ACSF2: variants seen among roughly 807,000 people sequenced by gnomAD.
ACSF2 encodes the protein medium-chain acyl-CoA ligase ACSF2, mitochondrial.
A neutral mutation model predicts 79.3 loss-of-function variants in ACSF2; 52 were observed. The ratio of observed to expected loss-of-function variants is 0.66; its 90% confidence interval spans 0.53 to 0.83. The LOEUF (loss-of-function observed/expected upper bound fraction) is 0.83. ACSF2 is among the 40% of genes least tolerant of loss of function. ACSF2 has a pLI of 0.00. For missense variants in ACSF2, 661 were observed against 803.3 expected (o/e 0.82, Z 2.14); for synonymous variants, 283 against 312.6 (o/e 0.91, Z 1.00).
chr17:50,474,024 C>A lies in ACSF2; in HGVS notation c.1728+20C>A. On this transcript the variant is annotated intron_variant, in intron 14 of 15. Coordinates refer to ENST00000300441, the MANE Select transcript of ACSF2 (RefSeq NM_025149.6). This position sits in a 1 kb window ranked among gnomAD's most constrained non-coding sequence, Gnocchi z 4.2. ...GGGAAGGTGGGAGCCTCCGCTCAACCTAGCTGATGCTGCTCTGTTCTTTGC... is the reference window on the plus strand; with the variant it reads ...GGGAAGGTGGGAGCCTCCGCTCAACATAGCTGATGCTGCTCTGTTCTTTGC... 1 of 1,529,014 alleles carries A rather than the reference C, an allele frequency of 6.5e-7. No homozygotes were observed. The highest frequency in any genetic ancestry group is 8.8e-7 in the Non-Finnish European group (1 of 1,136,632). 94.7% of individuals were successfully genotyped at this position (1,529,014 alleles called of 1,614,324 possible).
At chr17:50,445,533 G>A (rs564073494) in intron 1 of ACSF2, among the ~76,000 whole-genome samples, 3 of 152,196 alleles carry the variant, frequency 2.0e-5, no homozygotes, top group East Asian at 1.9e-4. Context: ...GGTGGCTCAC[G>A]TCTGTAATCC....
Position 50,463,151 on chromosome 17 carries a change from G to A in ACSF2, c.793-5G>A. On this transcript the variant is annotated splice_polypyrimidine_tract_variant and splice_region_variant and intron_variant, in intron 6 of 15. Coordinates refer to ENST00000300441, the MANE Select transcript of ACSF2 (RefSeq NM_025149.6). The surrounding 1 kb of genome is among the most constrained non-coding windows in gnomAD (Gnocchi z 4.6). ...GGCCAAGCCATGCCCTGTTTGCCTT[G>A]TCAGGGGACAACAGGCAGCCCCAAG... 6.2e-7 allele frequency: 1 copy of A among 1,613,494 alleles called. No individual in the cohort carries two copies. Among genetic ancestry groups the A allele is most frequent in the Non-Finnish European group, 8.5e-7 (1 of 1,179,594 alleles).
At chr17:50,461,876 C>T (rs899876667) in intron 4 of ACSF2, among the ~76,000 whole-genome samples, 190 bp downstream of exon 4, 1 of 151,796 alleles carries the variant, frequency 6.6e-6, no homozygotes, top group East Asian at 1.9e-4. Flanking sequence ...TGGTCAGACA[C>T]AAACCTGGCG....
chr17:50,473,755 C>T lies in ACSF2; in HGVS notation c.1566C>T (p.Pro522=), dbSNP rs759208635. 8.7e-6 allele frequency: 14 copies of T among 1,614,064 alleles called. No individual in the cohort carries two copies. The highest frequency in any genetic ancestry group is 2.7e-5 in the African/African-American group (2 of 74,912). ...MIIRGGENIY[P]AELEDFFHTH... is the part of the protein sequence containing the mutation. ...TCCGGGGTGGTGAGAACATCTACCCCGCAGAGCTCGAGGACTTCTTTCACA... is the reference window on the plus strand; with the variant it reads ...TCCGGGGTGGTGAGAACATCTACCCTGCAGAGCTCGAGGACTTCTTTCACA... Residue 522 remains proline (P), a synonymous_variant, in exon 13 of 16, where the codon CCC becomes CCT. Transcript: ENST00000300441.
intron 1 of ACSF2, among the ~76,000 whole-genome samples, chr17:50,454,598 C>T (rs1206642287): frequency 1.3e-5 from 2 of 152,146 alleles, no homozygotes; most frequent in Non-Finnish European, 2.9e-5. Context: ...ATGTCCCTTC[C>T]TCTGAAAGTT....
rs533295638 is a variant in ACSF2 at position 50,452,767 on chromosome 17, G to A, written c.129-7910G>A. On this transcript the variant is annotated intron_variant, in intron 1 of 15. Coordinates refer to ENST00000300441, the MANE Select transcript of ACSF2 (RefSeq NM_025149.6). ...TGGTGTGGGCAAGGAAGGAGAATTG[G>A]TTTGTTTATGCTTCCTCTTTCGAAA... Among the ~76,000 whole-genome samples, 8 of 152,236 alleles carry A rather than the reference G, an allele frequency of 5.3e-5. No homozygotes were observed. The South Asian group carries it at 1.5e-3, about 28-fold the overall frequency.
intron 1 of ACSF2, among the ~76,000 whole-genome samples, chr17:50,443,399 C>T (rs1238936595): frequency 6.6e-6 from 1 of 152,160 alleles, no homozygotes; most frequent in African/African-American, 2.4e-5. Context: ...GGTTTTGAAG[C>T]TAACACAGTT....
chr17:50,430,570 C>T (rs1915434586), intron 1 of ACSF2, among the ~76,000 whole-genome samples: 1 of 152,110 alleles, frequency 6.6e-6, no homozygotes, highest in Non-Finnish European at 1.5e-5. Flanking sequence ...GAGGCTGAGG[C>T]AGGAGAATCG....
intron 11 of ACSF2, chr17:50,472,116 A>G (rs1242794552): frequency 8.5e-6 from 3 of 353,850 alleles, no homozygotes; most frequent in Non-Finnish European, 1.5e-5. Context: ...TGCACGGTTT[A>G]TAATTCTTCA....
In ACSF2 at chr17:50,474,030, G is replaced by T; in HGVS notation, c.1728+26G>T. On this transcript the variant is annotated intron_variant, in intron 14 of 15. Transcript: ENST00000300441. This position sits in a 1 kb window ranked among gnomAD's most constrained non-coding sequence, Gnocchi z 4.2. ...GTGGGAGCCTCCGCTCAACCTAGCT[G>T]ATGCTGCTCTGTTCTTTGCTCACCC... is the stretch of plus-strand genomic sequence containing the variant. The T allele has an allele frequency of 1.3e-6, 2 of 1,536,156 alleles. No homozygotes were observed. Among genetic ancestry groups the T allele is most frequent in the Non-Finnish European group, 1.8e-6 (2 of 1,140,476 alleles).
chr17:50,443,197 C>A (rs1381160920), intron 1 of ACSF2, among the ~76,000 whole-genome samples: 1 of 152,204 alleles, frequency 6.6e-6, no homozygotes, highest in East Asian at 1.9e-4. Context: ...CGTGAGCCAC[C>A]GCGCCCGGCC....
intron 1 of ACSF2, among the ~76,000 whole-genome samples, chr17:50,456,013 G>A (rs2031967940): frequency 6.6e-6 from 1 of 152,104 alleles, no homozygotes; most frequent in Admixed American, 6.5e-5. Flanking sequence ...CTTGAAATTT[G>A]TTCCTCCCAG....
chr17:50,463,741 G>T lies in ACSF2; in HGVS notation c.1047-77G>T. The T allele has an allele frequency of 6.5e-7, 1 of 1,531,766 alleles. No individual in the cohort carries two copies. Among genetic ancestry groups the T allele is most frequent in the South Asian group, 1.2e-5 (1 of 86,792 alleles). The allele number at this position is 1,531,766 out of a possible 1,614,324, so 94.9% of individuals were successfully genotyped here. ...TCTCCTGCCTATTCCCTTTGCTGCA[G>T]TTTCATGGCGGGGTGGGTGAGAACA... On this transcript the variant is annotated intron_variant, in intron 8 of 15. Transcript: ENST00000300441. The surrounding 1 kb of genome is among the most constrained non-coding windows in gnomAD (Gnocchi z 4.6).
At chr17:50,449,009 T>C (rs536510659) in intron 1 of ACSF2, among the ~76,000 whole-genome samples, 1 of 148,812 alleles carries the variant, frequency 6.7e-6, no homozygotes, top group South Asian at 2.1e-4. Flanking sequence ...CAATATGTAG[T>C]CTTTTTTTTT....
chr17:50,464,168 C>A, intron 9 of ACSF2, 50 bp from the exon 10 acceptor site: 1 of 1,578,710 alleles, frequency 6.3e-7, no homozygotes, highest in South Asian at 1.1e-5. Flanking sequence ...GAAAGGACTC[C>A]ACTGGGCCTG....
chr17:50,465,777 C>T (rs1486657097), intron 10 of ACSF2: 6 of 1,613,488 alleles, frequency 3.7e-6, no homozygotes, highest in Middle Eastern at 1.6e-4. Flanking sequence ...TCCAGGCTGT[C>T]GAAGGGGAAG....
rs2032481116 is a variant in ACSF2 at position 50,463,509 on chromosome 17, A to T, written c.1003A>T (p.Ile335Phe). 2 of 1,614,014 alleles carry T rather than the reference A, an allele frequency of 1.2e-6. No homozygotes were observed. ...YGATLILASP[I>F]FNGKKALEAI... is the part of the protein sequence containing the mutation. ...TGCCACCCTCATCCTGGCCTCTCCC[A>T]TCTTCAATGGCAAGAAGGCACTGGA... The change falls in exon 8 of 16, where the codon ATC becomes TTC. Residue 335 changes from isoleucine to phenylalanine, a missense_variant. Ile to Phe is a conservative substitution (Grantham distance 21). Transcript: ENST00000300441. The surrounding 1 kb of genome is among the most constrained non-coding windows in gnomAD (Gnocchi z 4.6).
At chr17:50,473,525 G>A (rs903407965) in intron 12 of ACSF2, 140 bp from the exon 13 acceptor site, 3 of 1,179,348 alleles carry the variant, frequency 2.5e-6, no homozygotes, top group South Asian at 1.5e-5. Context: ...TCCAGAGACT[G>A]TGTCTTGTTC....
Position 50,474,311 on chromosome 17 carries a change from G to C in ACSF2, c.1797+44G>C, listed in dbSNP as rs746377274. On this transcript the variant is annotated intron_variant, in intron 15 of 15. Transcript: ENST00000300441. This position sits in a 1 kb window ranked among gnomAD's most constrained non-coding sequence, Gnocchi z 4.2. ...GCTGGGGAGGGCAGCCTGGGCTCTG[G>C]GGCCCCATAGGGCCCCACCTCTGTT... The C allele has an allele frequency of 3.8e-6, 6 of 1,592,088 alleles. No homozygotes were observed. Among genetic ancestry groups the C allele is most frequent in the Middle Eastern group, 3.3e-4 (2 of 5,978 alleles).
Sources: gnomAD v4.1 joint callset for allele counts (sites outside exome capture counted in the v4.1 genomes callset) on GRCh38, gnomAD v4.1.1 for gene constraint, Gnocchi (gnomAD v3.1) non-coding constraint, MANE v1.5 for transcripts, NCBI Gene and HGNC (gene_info 2026-07-23, HGNC 2026-07-21) for gene names.